MDGA2: variants seen among roughly 807,000 people sequenced by gnomAD.
MDGA2 encodes the protein MAM domain-containing glycosylphosphatidylinositol anchor protein 2.
A neutral mutation model predicts 117.8 loss-of-function variants in MDGA2; 40 were observed. The observed-to-expected ratio is 0.34, with a 90% CI of 0.26 to 0.44. MDGA2 has a LOEUF of 0.44. MDGA2 is among the 20% of genes least tolerant of loss of function. The pLI is 1.00. For missense variants in MDGA2, 1,123 were observed against 1,250.6 expected (o/e 0.90, Z 1.54); for synonymous variants, 452 against 439.0 (o/e 1.03, Z -0.37).
At chr14:47,200,606 T>C (rs186905395) in intron 3 of MDGA2, 244 of 1,236,426 alleles carry the variant, frequency 2.0e-4, no homozygotes, top group Admixed American at 7.4e-5. Context: ...CTTGAAGACC[T>C]CTGTATATTT....
chr14:47,042,319 T>G (rs201817575), intron 7 of MDGA2, among the ~76,000 whole-genome samples: 1,570 of 100,980 alleles, frequency 0.016, 19 homozygotes, highest in East Asian at 0.05. Flanking sequence ...TATGTTTTTT[T>G]TTTTTTTTTG....
At chr14:47,516,584 G>A (rs1894755892) in intron 1 of MDGA2, among the ~76,000 whole-genome samples, 1 of 152,158 alleles carries the variant, frequency 6.6e-6, no homozygotes, top group Admixed American at 6.6e-5. Context: ...TTGCAGTAGA[G>A]TAATCTCACC....
chr14:47,143,697 T>A (rs1882818810), intron 4 of MDGA2, among the ~76,000 whole-genome samples: 1 of 152,308 alleles, frequency 6.6e-6, no homozygotes, highest in East Asian at 1.9e-4. Flanking sequence ...TTCATTTTTT[T>A]AATAGTTATT....
chr14:46,882,117 A>C lies in MDGA2; in HGVS notation c.2343T>G (p.Ala781=). The C allele has an allele frequency of 6.2e-7, 1 of 1,612,424 alleles. No individual in the cohort carries two copies. The highest frequency in any genetic ancestry group is 8.5e-7 in the Non-Finnish European group (1 of 1,178,986). The part of the protein sequence containing the change: ...YNLTELIKPE[A]YEVRLTPLTK... ...TGAGAGGAGTCAGTCGGACTTCATA[A>C]GCTTCTGGTTTAATTAGCTCTGTCA... Residue 781 remains alanine, a synonymous_variant, in exon 11 of 17, where the codon GCT becomes GCG. Transcript: ENST00000399232.
chr14:47,496,437 T>A (rs1478912785), intron 1 of MDGA2, among the ~76,000 whole-genome samples: 5 of 152,008 alleles, frequency 3.3e-5, no homozygotes, highest in Non-Finnish European at 5.9e-5. Context: ...AGAAATGGGG[T>A]CAGGCTATGT....
At chr14:47,338,706 G>T (rs998979307) in intron 1 of MDGA2, among the ~76,000 whole-genome samples, 2 of 151,936 alleles carry the variant, frequency 1.3e-5, no homozygotes, top group African/African-American at 4.8e-5. Context: ...CACAACAATT[G>T]CTTTCTTTGG....
intron 1 of MDGA2, among the ~76,000 whole-genome samples, chr14:47,648,414 C>T (rs1897576229): frequency 6.6e-6 from 1 of 152,036 alleles, no homozygotes; most frequent in African/African-American, 2.4e-5. Context: ...ACAGTATATG[C>T]CATTTGAAGA....
At chr14:46,905,709 T>C (rs1883464100) in intron 10 of MDGA2, among the ~76,000 whole-genome samples, 1 of 152,094 alleles carries the variant, frequency 6.6e-6, no homozygotes, top group African/African-American at 2.4e-5. Context: ...AAATGAAATA[T>C]TCATAAGCAT....
intron 7 of MDGA2, among the ~76,000 whole-genome samples, chr14:47,036,041 A>G (rs1021142188): frequency 3.9e-5 from 6 of 151,980 alleles, no homozygotes; most frequent in Non-Finnish European, 7.4e-5. Flanking sequence ...ATAATGAGGC[A>G]GGAGGATCAC....
chr14:47,559,156 A>T (rs1895744451), intron 1 of MDGA2, among the ~76,000 whole-genome samples: 1 of 152,160 alleles, frequency 6.6e-6, no homozygotes, highest in Non-Finnish European at 1.5e-5. Flanking sequence ...TGCGTGTTGC[A>T]AGGGTTTGGT....
chr14:47,066,550 C>T (rs10137711), intron 6 of MDGA2, among the ~76,000 whole-genome samples: 14,673 of 152,120 alleles, frequency 0.096, 805 homozygotes, highest in African/African-American at 0.15. Context: ...CACAAGAAAC[C>T]TCATTCTAGC....
intron 10 of MDGA2, among the ~76,000 whole-genome samples, chr14:46,894,053 T>C (rs1882983757): frequency 6.6e-6 from 1 of 152,084 alleles, no homozygotes. Flanking sequence ...AGTATTTTTG[T>C]TTACTAAGAA....
chr14:46,881,344 G>T (rs1326524503), intron 11 of MDGA2, among the ~76,000 whole-genome samples: 6 of 152,076 alleles, frequency 3.9e-5, no homozygotes, highest in Non-Finnish European at 8.8e-5. Context: ...ATCATTGGTT[G>T]CCCGGACTGG....
intron 1 of MDGA2, among the ~76,000 whole-genome samples, chr14:47,449,277 A>G (rs925645884): frequency 1.3e-5 from 2 of 152,194 alleles, no homozygotes; most frequent in African/African-American, 4.8e-5. Context: ...CAACAAAAGC[A>G]TATTTCATAT....
intron 1 of MDGA2, among the ~76,000 whole-genome samples, chr14:47,370,732 C>A (rs538854960): frequency 2.0e-5 from 3 of 151,162 alleles, no homozygotes; most frequent in African/African-American, 7.3e-5. Flanking sequence ...TCTCTGTAAA[C>A]CACCCCTTAT....
chr14:47,639,329 T>C (rs1897380839), intron 1 of MDGA2, among the ~76,000 whole-genome samples: 1 of 152,198 alleles, frequency 6.6e-6, no homozygotes, highest in Non-Finnish European at 1.5e-5. Flanking sequence ...CGCCTTACCA[T>C]GCCTCATCCG....
intron 1 of MDGA2, among the ~76,000 whole-genome samples, chr14:47,473,729 T>C (rs1893777253): frequency 6.6e-6 from 1 of 152,104 alleles, no homozygotes. Context: ...AAACACATAA[T>C]TATCTCAATA....
intron 8 of MDGA2, among the ~76,000 whole-genome samples, chr14:47,025,946 T>C (rs769490447): frequency 7.2e-5 from 11 of 152,138 alleles, no homozygotes; most frequent in Non-Finnish European, 1.5e-4. Flanking sequence ...GTGTATGAAT[T>C]TGATACCAAA....
At chr14:47,155,509 C>G (rs2139247570) in intron 3 of MDGA2, among the ~76,000 whole-genome samples, 1 of 152,298 alleles carries the variant, frequency 6.6e-6, no homozygotes, top group East Asian at 1.9e-4. Flanking sequence ...TCCCCAGTGT[C>G]TGCAGTGAAA....
Sources: gnomAD v4.1 joint callset for allele counts (sites outside exome capture counted in the v4.1 genomes callset) on GRCh38, gnomAD v4.1.1 for gene constraint, MANE v1.5 for transcripts, NCBI Gene and HGNC (gene_info 2026-07-23, HGNC 2026-07-21) for gene names.